MAP3K15: variants seen among roughly 807,000 people sequenced by gnomAD.
MAP3K15 encodes mitogen-activated protein kinase kinase kinase 15, also known as MAPK/ERK kinase kinase 15.
In MAP3K15, 124 loss-of-function variants were observed where a neutral mutation model predicts 99.5. That is an observed-to-expected ratio of 1.25 (90% confidence interval 1.08 to 1.45). The LOEUF is 1.45. Among genes scored for constraint, MAP3K15 ranks in the 40% most tolerant of loss-of-function variants. MAP3K15 has a pLI of 0.00. For synonymous variants in MAP3K15, 494 were observed against 439.6 expected (o/e 1.12, Z -1.55); for missense variants, 1,242 against 1,079.7 (o/e 1.15, Z -2.11).
chrX:19,439,997 G>A (rs1455069523), intron 6 of MAP3K15, among the ~76,000 whole-genome samples: 1 of 111,482 alleles, frequency 9.0e-6, no homozygotes, highest in African/African-American at 3.3e-5. Flanking sequence ...TGAGGCCCTG[G>A]AGGATGGGAT....
intron 18 of MAP3K15, among the ~76,000 whole-genome samples, chrX:19,390,730 C>A (rs1231179943): frequency 9.6e-6 from 1 of 104,430 alleles, no homozygotes; most frequent in African/African-American, 3.5e-5. Context: ...AATGGGGTCT[C>A]ACTATGTTGA....
At position 19,370,965 on chromosome X, in the gene MAP3K15, T is replaced by C; in HGVS notation, c.3394A>G (p.Ile1132Val). The change falls in exon 24 of 29, where the codon ATC (isoleucine) becomes GTC (valine). Residue 1132 changes from isoleucine (I) to valine (V), a missense_variant. Physicochemically the swap from Ile to Val is conservative, Grantham distance 29. Transcript: ENST00000338883. ...CCACAAAGGGGGCGCTCACCTGGGA[T>C]GAGAATGGTGACCGCGGCCTGCACC... Reference protein sequence around the residue: ...RAVQAAVTILIPELRAHFEPT... With the variant: ...RAVQAAVTILVPELRAHFEPT... 3 of 1,179,244 alleles carry C rather than the reference T, an allele frequency of 2.5e-6. No individual in the cohort carries two copies. Among genetic ancestry groups the C allele is most frequent in the Non-Finnish European group, 3.4e-6 (3 of 877,040 alleles).
intron 2 of MAP3K15, among the ~76,000 whole-genome samples, chrX:19,487,130 G>A (rs753998027): frequency 1.1e-4 from 7 of 61,646 alleles, no homozygotes; most frequent in Admixed American, 5.6e-4. Context: ...TTCTGGGGGT[G>A]GGGGGGGGGA....
intron 3 of MAP3K15, among the ~76,000 whole-genome samples, chrX:19,476,696 T>A (rs1167166373): frequency 8.9e-6 from 1 of 112,130 alleles, no homozygotes; most frequent in Non-Finnish European, 1.9e-5. Flanking sequence ...TATAACAATT[T>A]CAACAGGATA....
Position 19,398,565 on chromosome X carries a change from A to C in MAP3K15, c.1933-206T>G, listed in dbSNP as rs757060381. 2.3e-3 allele frequency among the ~76,000 whole-genome samples: 257 copies of C among 111,932 alleles called. 1 individual carries two copies. Among genetic ancestry groups the C allele is most frequent in the Non-Finnish European group, 1.4e-3 (75 of 53,204 alleles). ...CCATTGTTCACCTGTTCATAGTATG[A>C]CTTTATGAAATGGAATCCAAGAAAA... On this transcript the variant is annotated intron_variant, in intron 14 of 28. Transcript: ENST00000338883.
At chrX:19,407,906 TGGA>T (rs1284382905) in intron 12 of MAP3K15, among the ~76,000 whole-genome samples, 2 of 112,031 alleles carry the variant, frequency 1.8e-5, no homozygotes, top group Non-Finnish European at 3.8e-5. Flanking sequence ...GGAGGTATTA[TGGA>T]GAGGAAGGCT....
At chrX:19,444,909 C>A (rs1469041291) in intron 6 of MAP3K15, among the ~76,000 whole-genome samples, 6 of 110,986 alleles carry the variant, frequency 5.4e-5, no homozygotes, top group Non-Finnish European at 9.5e-5. Flanking sequence ...CTGCCATTCT[C>A]CCTCTCCCCA....
chrX:19,417,860 C>G (rs911419290), intron 9 of MAP3K15, among the ~76,000 whole-genome samples: 2 of 111,842 alleles, frequency 1.8e-5, no homozygotes, highest in African/African-American at 6.5e-5. Context: ...GAGGAATGAT[C>G]AGGCAACAAC....
intron 9 of MAP3K15, among the ~76,000 whole-genome samples, chrX:19,422,031 A>G (rs1362488611): frequency 1.8e-5 from 2 of 111,146 alleles, no homozygotes; most frequent in Non-Finnish European, 3.8e-5. Context: ...AAATTAATTC[A>G]AGATGGATTA....
chrX:19,407,665 C>T (rs776182215), intron 12 of MAP3K15, among the ~76,000 whole-genome samples: 4 of 112,239 alleles, frequency 3.6e-5, no homozygotes, highest in Non-Finnish European at 5.6e-5. Context: ...TTTCTAGATT[C>T]GGAAAGTATC....
rs190743895 is a variant in MAP3K15, at chrX:19,415,174, C to A, written c.1523G>T (p.Arg508Leu). The change falls in exon 10 of 29, where the codon CGG (arginine) becomes CTG (leucine). Residue 508 changes from arginine (R) to leucine (L), a missense_variant. Coordinates refer to ENST00000338883, the MANE Select transcript of MAP3K15 (RefSeq NM_001001671.4). ...TIIEHSPRQE[R>L]LNFWLDIIFE... is the part of the protein sequence containing the mutation. ...AATTATATCTAACCAGAAGTTCAGCCGCTCTTGCCTGGGCGAGTGTTCAAT... is the reference window on the plus strand; with the variant it reads ...AATTATATCTAACCAGAAGTTCAGCAGCTCTTGCCTGGGCGAGTGTTCAAT... The A allele has an allele frequency of 4.2e-6, 5 of 1,177,101 alleles. No individual in the cohort carries two copies. The East Asian group carries it at 1.2e-4, about 28-fold the overall frequency.
At chrX:19,432,668 C>A (rs1371671012) in intron 6 of MAP3K15, among the ~76,000 whole-genome samples, 2 of 108,814 alleles carry the variant, frequency 1.8e-5, no homozygotes, top group East Asian at 2.8e-4. Flanking sequence ...AAAAACTGTT[C>A]ATTTTTAGGT....
At chrX:19,511,714 T>C (rs1194638311) in intron 1 of MAP3K15, among the ~76,000 whole-genome samples, 2 of 112,037 alleles carry the variant, frequency 1.8e-5, no homozygotes, top group Non-Finnish European at 3.8e-5. Context: ...TTTTACACTG[T>C]TGGTGGGAGT....
chrX:19,501,282 A>C (rs1298248902), intron 1 of MAP3K15, among the ~76,000 whole-genome samples: 2 of 111,983 alleles, frequency 1.8e-5, no homozygotes, highest in Non-Finnish European at 3.8e-5. Context: ...TAAAGTAAAA[A>C]TCGTACTTAT....
In MAP3K15 at chrX:19,362,834, C is replaced by T; in HGVS notation, c.3583G>A (p.Val1195Ile). 9.0e-7 allele frequency: 1 copy of T among 1,108,276 alleles called. No homozygotes were observed. Among genetic ancestry groups the T allele is most frequent in the Admixed American group, 2.4e-5 (1 of 41,696 alleles). 91.3% of individuals were successfully genotyped at this position (1,108,276 alleles called of 1,213,427 possible). ...QETNRLLEHL[V>I]EKEREYQNLL... ...TTCTGGTACTCTCTCTCTTTTTCAACTAGGTGTTCCAAAAGTCTGGTTTAA... is the reference window on the plus strand; with the variant it reads ...TTCTGGTACTCTCTCTCTTTTTCAATTAGGTGTTCCAAAAGTCTGGTTTAA... The change falls in exon 26 of 29, where the codon GTT (valine) becomes ATT (isoleucine). Residue 1195 changes from valine (V) to isoleucine (I), a missense_variant. Val to Ile is a conservative substitution (Grantham distance 29). Transcript: ENST00000338883.
At chrX:19,456,526 T>C (rs2064094185) in intron 6 of MAP3K15, among the ~76,000 whole-genome samples, 1 of 112,200 alleles carries the variant, frequency 8.9e-6, no homozygotes, top group South Asian at 3.7e-4. Flanking sequence ...GGAAATGTTT[T>C]CTTTTTTGAT....
chrX:19,400,424 C>T (rs2063599040), intron 14 of MAP3K15, 152 bp downstream of exon 14: 1 of 390,998 alleles, frequency 2.6e-6, no homozygotes, highest in South Asian at 5.0e-5. Context: ...TCTGGAGACA[C>T]ATTCAACATT....
At chrX:19,434,285 G>T (rs2063906163) in intron 6 of MAP3K15, among the ~76,000 whole-genome samples, 3 of 109,142 alleles carry the variant, frequency 2.7e-5, no homozygotes, top group Admixed American at 9.9e-5. Context: ...GAGTGTGGTG[G>T]CACAATCTCA....
intron 8 of MAP3K15, among the ~76,000 whole-genome samples, 184 bp downstream of exon 8, chrX:19,426,047 G>C (rs1352284817): frequency 9.0e-6 from 1 of 111,171 alleles, no homozygotes; most frequent in East Asian, 2.8e-4. Context: ...GCTTGAACTC[G>C]GGAGGCGGAG....
Sources: allele counts gnomAD v4.1 joint callset (sites outside exome capture counted in the v4.1 genomes callset), GRCh38; gene constraint gnomAD v4.1.1; transcripts MANE v1.5; gene names NCBI Gene and HGNC (gene_info 2026-07-23, HGNC 2026-07-21).